The following GALNT9 variants were observed in gnomAD, a reference collection of about 807,000 sequenced individuals.
The protein encoded by GALNT9 is GalNAc transferase 9.
Under a neutral mutation model 63.1 loss-of-function variants are expected in GALNT9, and 47 were observed. The ratio of observed to expected loss-of-function variants is 0.75; its 90% confidence interval spans 0.59 to 0.95. The LOEUF (loss-of-function observed/expected upper bound fraction) is 0.95. Ranked by LOEUF, GALNT9 falls within the 40% of genes least tolerant of loss-of-function variation. The pLI, the probability that GALNT9 is intolerant of heterozygous loss-of-function variation, is 0.00. For missense variants in GALNT9, 829 were observed against 874.8 expected (o/e 0.95, Z 0.66); for synonymous variants, 396 against 365.7 (o/e 1.08, Z -0.94).
At position 132,327,316 on chromosome 12, in the gene GALNT9, G is replaced by A. The variant is rs1251033181; in HGVS notation, c.238+1650C>T. ...GCGGTGGGGGGAGACACACTTTCCC[G>A]GAATGCTTCCTTATCTCCCGCCAAT... On this transcript the variant is annotated intron_variant, in intron 1 of 10. Transcript: ENST00000328957. The surrounding 1 kb of genome is among the most constrained non-coding windows in gnomAD (Gnocchi z 4.3). Among the ~76,000 whole-genome samples the A allele has an allele frequency of 1.3e-5, 2 of 151,946 alleles. No individual in the cohort carries two copies. The highest frequency in any genetic ancestry group is 1.9e-4 in the East Asian group (1 of 5,172).
intron 1 of GALNT9, among the ~76,000 whole-genome samples, chr12:132,313,402 C>T (rs1342279347): frequency 6.6e-6 from 1 of 150,868 alleles, no homozygotes; most frequent in South Asian, 2.1e-4. Flanking sequence ...CCCATCCACG[C>T]ACCCATGTAT....
chr12:132,204,645 T>C (rs1343560340), intron 6 of GALNT9, among the ~76,000 whole-genome samples: 1 of 152,030 alleles, frequency 6.6e-6, no homozygotes, highest in Non-Finnish European at 1.5e-5. Flanking sequence ...GTCAATTCCT[T>C]AGATGAACTT....
rs2135587844 is a variant in GALNT9, at chr12:132,316,195, C to A, written c.238+12771G>T. Among the ~76,000 whole-genome samples, 1 of 152,248 alleles carries A rather than the reference C, an allele frequency of 6.6e-6. No individual in the cohort carries two copies. The highest frequency in any genetic ancestry group is 2.4e-5 in the African/African-American group (1 of 41,548). ...CCAGCGTCCCAGTCCAGGCTCGGCT[C>A]TCCAGCAGAGGCATGAAGCTGGATC... On this transcript the variant is annotated intron_variant, in intron 1 of 10. Coordinates refer to ENST00000328957, the MANE Select transcript of GALNT9 (RefSeq NM_001122636.2). This position sits in a 1 kb window ranked among gnomAD's most constrained non-coding sequence, Gnocchi z 4.3.
intron 7 of GALNT9, 151 bp from the exon 8 acceptor site, chr12:132,201,412 G>C: frequency 2.0e-6 from 1 of 491,162 alleles, no homozygotes; most frequent in Non-Finnish European, 3.5e-6. Flanking sequence ...ATCCAGTTGG[G>C]ACCCCCCAGC....
chr12:132,258,434 C>T (rs545056604), intron 4 of GALNT9, among the ~76,000 whole-genome samples: 6 of 152,254 alleles, frequency 3.9e-5, no homozygotes, highest in South Asian at 4.1e-4. Context: ...CACCAGGCAC[C>T]GTTGTGCAGA....
At chr12:132,248,412 G>T (rs1180286430) in intron 5 of GALNT9, among the ~76,000 whole-genome samples, 1 of 152,218 alleles carries the variant, frequency 6.6e-6, no homozygotes, top group Non-Finnish European at 1.5e-5. Context: ...AATTGAGGCT[G>T]CAGTGAGCTG....
chr12:132,265,976 G>A lies in GALNT9; in HGVS notation c.420-3351C>T, dbSNP rs560559202. 2.9e-4 allele frequency among the ~76,000 whole-genome samples: 43 copies of A among 148,724 alleles called. No individual in the cohort carries two copies. In the South Asian group the frequency reaches 8.5e-3, roughly 29 times the overall value. Reference sequence around the variant, plus strand: ...CACGCCCGACCTCGCCGTATTTCATGAACAGGCACGCACAGCCAACCGCGG... The same window carrying A: ...CACGCCCGACCTCGCCGTATTTCATAAACAGGCACGCACAGCCAACCGCGG... On this transcript the variant is annotated intron_variant, in intron 2 of 10. Coordinates refer to ENST00000328957, the MANE Select transcript of GALNT9 (RefSeq NM_001122636.2). This position sits in a 1 kb window ranked among gnomAD's most constrained non-coding sequence, Gnocchi z 5.3.
rs1284597031 is a variant in GALNT9, at chr12:132,290,305, G to A, written c.239-3875C>T. ...CAGCCTGGGCCCTAGGACAGGCCTC[G>A]CCATGCAGAGCGGACCGGCCAAGCC... is the stretch of plus-strand genomic sequence containing the variant. On this transcript the variant is annotated intron_variant, in intron 1 of 10. Coordinates refer to ENST00000328957, the MANE Select transcript of GALNT9 (RefSeq NM_001122636.2). Among the ~76,000 whole-genome samples the A allele has an allele frequency of 5.3e-5, 8 of 152,252 alleles. No individual in the cohort carries two copies. The East Asian group carries it at 5.8e-4, about 11-fold the overall frequency.
At chr12:132,200,224 C>T (rs945062491) in intron 8 of GALNT9, among the ~76,000 whole-genome samples, 1 of 152,192 alleles carries the variant, frequency 6.6e-6, no homozygotes, top group African/African-American at 2.4e-5. Context: ...TTTCCTTGCC[C>T]CATCCGAGTG....
Position 132,196,890 on chromosome 12 carries a change from C to A in GALNT9, c.*217G>T. On this transcript the variant is annotated 3_prime_UTR_variant, in exon 11 of 11. Coordinates refer to ENST00000328957, the MANE Select transcript of GALNT9 (RefSeq NM_001122636.2). ...GCATCACTGTCCCCAGACGCCCTCC[C>A]TCGGGTAGAGCCGCCTGTCCTAGGA... The A allele has an allele frequency of 7.2e-7, 1 of 1,388,962 alleles. No individual in the cohort carries two copies. Among genetic ancestry groups the A allele is most frequent in the Admixed American group, 3.1e-5 (1 of 32,152 alleles). 86.0% of individuals were successfully genotyped at this position (1,388,962 alleles called of 1,614,324 possible). A position where few individuals can be genotyped will look rare whatever the true frequency, so the allele number is the denominator to read the frequency against.
chr12:132,203,636 T>G lies in GALNT9; in HGVS notation c.1132A>C (p.Ile378Leu). ...EVLPCSRVAHIERTRKPYNND... is the reference protein window; with the variant it reads ...EVLPCSRVAHLERTRKPYNND... Reference sequence around the variant, plus strand: ...TTGTAGGGCTTCCTGGTGCGCTCGATGTGGGCCACGCGGGAGCAGGGCAGC... The same window carrying G: ...TTGTAGGGCTTCCTGGTGCGCTCGAGGTGGGCCACGCGGGAGCAGGGCAGC... The change falls in exon 7 of 11, where the codon ATC becomes CTC. Residue 378 changes from isoleucine to leucine, a missense_variant. Coordinates refer to ENST00000328957, the MANE Select transcript of GALNT9 (RefSeq NM_001122636.2). 2 of 1,613,878 alleles carry G rather than the reference T, an allele frequency of 1.2e-6. No individual in the cohort carries two copies. Among genetic ancestry groups the G allele is most frequent in the Non-Finnish European group, 1.7e-6 (2 of 1,179,860 alleles).
chr12:132,277,358 C>T (rs1027940527), intron 2 of GALNT9: 2 of 154,884 alleles, frequency 1.3e-5, no homozygotes, highest in African/African-American at 2.4e-5. Context: ...CAAGTGTCAC[C>T]GCGATGCCAC....
Position 132,310,272 on chromosome 12 carries a change from AT to A in GALNT9, c.238+18693del, listed in dbSNP as rs1465935800. On this transcript the variant is annotated intron_variant, in intron 1 of 10. Transcript: ENST00000328957. This position sits in a 1 kb window ranked among gnomAD's most constrained non-coding sequence, Gnocchi z 4.8. ...CTCACCGGCCACACCGCGGTTCGGC[AT>A]TTCAGTTGGGGTCGGTAACACGCAG... is the stretch of plus-strand genomic sequence containing the variant. Among the ~76,000 whole-genome samples, 2 of 152,136 alleles carry A rather than the reference AT, an allele frequency of 1.3e-5. No individual in the cohort carries two copies. Among genetic ancestry groups the A allele is most frequent in the Non-Finnish European group, 2.9e-5 (2 of 68,032 alleles).
In GALNT9 at chr12:132,252,918, C is replaced by T. The variant is rs1035707937; in HGVS notation, c.959+4771G>A. ...AAGACACGGAGACCAGTAGTGGCCC[C>T]GAACGGCTGGGTGCGCTGATATTTA... On this transcript the variant is annotated intron_variant, in intron 5 of 10. Coordinates refer to ENST00000328957, the MANE Select transcript of GALNT9 (RefSeq NM_001122636.2). This position sits in a 1 kb window ranked among gnomAD's most constrained non-coding sequence, Gnocchi z 5.2. Among the ~76,000 whole-genome samples the T allele has an allele frequency of 5.3e-5, 8 of 151,446 alleles. No individual in the cohort carries two copies. The highest frequency in any genetic ancestry group is 1.2e-4 in the Non-Finnish European group (8 of 67,898).
rs1397474725 is a variant in GALNT9, at chr12:132,252,586, C to T, written c.960-4559G>A. Among the ~76,000 whole-genome samples the T allele has an allele frequency of 2.0e-5, 3 of 152,144 alleles. No individual in the cohort carries two copies. Among genetic ancestry groups the T allele is most frequent in the Non-Finnish European group, 4.4e-5 (3 of 68,028 alleles). On this transcript the variant is annotated intron_variant, in intron 5 of 10. Transcript: ENST00000328957. This position sits in a 1 kb window ranked among gnomAD's most constrained non-coding sequence, Gnocchi z 5.2. ...CTGGGGGGAACCACTGCCATCAAGA[C>T]ACGGAGACCTGGCTGGGCGCACTGG...
At position 132,262,577 on chromosome 12, in the gene GALNT9, G is replaced by A. The variant is rs546407071; in HGVS notation, c.468C>T (p.Val156=). Residue 156 remains valine (V), a synonymous_variant, in exon 3 of 11, where the codon GTC becomes GTT. Transcript: ENST00000328957. ...ACAGCGCCTCATTGACGAAGATGAA[G>A]ACCACGGAGACCTGGGGCAGGTCCT... ...YAQDLPQVSV[V]FIFVNEALSV... is the part of the protein sequence containing the mutation. 3.2e-6 allele frequency: 5 copies of A among 1,551,470 alleles called. No homozygotes were observed. Among genetic ancestry groups the A allele is most frequent in the South Asian group, 1.2e-5 (1 of 84,050 alleles).
chr12:132,264,032 G>T (rs573965769), intron 2 of GALNT9, among the ~76,000 whole-genome samples: 1 of 152,314 alleles, frequency 6.6e-6, no homozygotes, highest in South Asian at 2.1e-4. Context: ...ACTTTACGAG[G>T]GCAGGTGGGG....
At chr12:132,222,705 A>G (rs1877495228) in intron 6 of GALNT9, among the ~76,000 whole-genome samples, 3 of 151,886 alleles carry the variant, frequency 2.0e-5, no homozygotes, top group African/African-American at 7.3e-5. Flanking sequence ...TGCAAAAGTG[A>G]CAATTATCAC....
chr12:132,215,842 T>A (rs11247008), intron 6 of GALNT9, among the ~76,000 whole-genome samples: 3 of 151,286 alleles, frequency 2.0e-5, no homozygotes, highest in Non-Finnish European at 3.0e-5. Context: ...TGGCCCTCCC[T>A]GACTCACAGC....
Sources: allele counts gnomAD v4.1 joint callset (sites outside exome capture counted in the v4.1 genomes callset), GRCh38; gene constraint gnomAD v4.1.1; non-coding constraint Gnocchi (gnomAD v3.1); transcripts MANE v1.5; gene names NCBI Gene and HGNC (gene_info 2026-07-23, HGNC 2026-07-21).